PDZRN4: variants seen among roughly 807,000 people sequenced by gnomAD.
PDZRN4 encodes the protein PDZ domain-containing RING finger protein 4.
PDZRN4 carries 70 observed loss-of-function variants against 99.0 expected under a neutral mutation model. That is an observed-to-expected ratio of 0.71 (90% CI 0.58 to 0.86). The LOEUF is 0.86. Ranked by LOEUF, PDZRN4 falls within the 40% of genes least tolerant of loss-of-function variation. The pLI is 0.00. For synonymous variants in PDZRN4, 551 were observed against 501.6 expected, an observed-to-expected ratio of 1.10 and a Z score of -1.32; for missense variants, 1,474 against 1,331.2, an observed-to-expected ratio of 1.11 and a Z score of -1.67.
At chr12:41,385,939 G>A (rs960045901) in intron 3 of PDZRN4, among the ~76,000 whole-genome samples, 9 of 152,024 alleles carry the variant, frequency 5.9e-5, no homozygotes, top group Non-Finnish European at 1.3e-4. Flanking sequence ...CAACCAAATC[G>A]AGCTGCACAC....
intron 3 of PDZRN4, among the ~76,000 whole-genome samples, chr12:41,284,661 T>C (rs990009182): frequency 2.6e-5 from 4 of 152,252 alleles, no homozygotes; most frequent in African/African-American, 7.2e-5. Context: ...AAAACAGATA[T>C]ATAGACCAAT....
At chr12:41,437,255 T>C (rs571120426) in intron 3 of PDZRN4, among the ~76,000 whole-genome samples, 135 of 152,258 alleles carry the variant, frequency 8.9e-4, no homozygotes, top group Middle Eastern at 3.4e-3. Context: ...CCCCCCAAAT[T>C]TCCTTTGCTT....
intron 3 of PDZRN4, among the ~76,000 whole-genome samples, chr12:41,357,406 C>T (rs1448088918): frequency 6.6e-6 from 1 of 151,916 alleles, no homozygotes; most frequent in Non-Finnish European, 1.5e-5. Flanking sequence ...TAGTGCTTGA[C>T]GTATTCTAAG....
At chr12:41,476,275 C>T (rs1277957524) in intron 3 of PDZRN4, among the ~76,000 whole-genome samples, 2 of 152,174 alleles carry the variant, frequency 1.3e-5, no homozygotes, top group African/African-American at 4.8e-5. Context: ...GCAAAATTGA[C>T]TGACACTACT....
intron 3 of PDZRN4, among the ~76,000 whole-genome samples, chr12:41,308,144 TA>T (rs1951584218): frequency 6.6e-6 from 1 of 152,154 alleles, no homozygotes; most frequent in South Asian, 2.1e-4. Context: ...TTTTCTGTAT[TA>T]TTTTTAGCTA....
intron 3 of PDZRN4, among the ~76,000 whole-genome samples, chr12:41,417,759 G>A (rs1472406977): frequency 6.6e-6 from 1 of 152,198 alleles, no homozygotes; most frequent in Non-Finnish European, 1.5e-5. Flanking sequence ...GAAATAATAT[G>A]ACCAGAAGTG....
At chr12:41,225,851 A>G (rs1950990527) in intron 3 of PDZRN4, among the ~76,000 whole-genome samples, 1 of 151,882 alleles carries the variant, frequency 6.6e-6, no homozygotes, top group Non-Finnish European at 1.5e-5. Context: ...TCAGAATTTC[A>G]TTTTCATCAT....
intron 3 of PDZRN4, among the ~76,000 whole-genome samples, chr12:41,467,723 GA>G (rs1952942052): frequency 6.6e-6 from 1 of 152,186 alleles, no homozygotes; most frequent in African/African-American, 2.4e-5. Context: ...TGCTAATTTT[GA>G]TCTACTGCCT....
Position 41,451,461 on chromosome 12 carries a change from C to T in PDZRN4, c.844-54995C>T, listed in dbSNP as rs114273226. 3.1e-3 allele frequency among the ~76,000 whole-genome samples: 465 copies of T among 152,266 alleles called. 5 individuals are homozygous for T. Among genetic ancestry groups the T allele is most frequent in the African/African-American group, 0.011 (443 of 41,570 alleles). ...TGAAAGTAAGTTAAATATAAATTTA[C>T]AAAGAAGTTGCCTTACAAAGCTTTT... On this transcript the variant is annotated intron_variant, in intron 3 of 9. Coordinates refer to ENST00000402685, the MANE Select transcript of PDZRN4 (RefSeq NM_001164595.2).
chr12:41,244,486 C>T (rs1355598291), intron 3 of PDZRN4, among the ~76,000 whole-genome samples: 1 of 152,114 alleles, frequency 6.6e-6, no homozygotes, highest in Non-Finnish European at 1.5e-5. Context: ...CATTGTTCTA[C>T]ATGATCTGCT....
At chr12:41,547,266 C>G (rs915494885) in intron 5 of PDZRN4, among the ~76,000 whole-genome samples, 2 of 152,174 alleles carry the variant, frequency 1.3e-5, no homozygotes, top group Non-Finnish European at 2.9e-5. Context: ...GAAGCCCATT[C>G]TAGGAAAGGT....
chr12:41,319,216 G>A (rs2120969293), intron 3 of PDZRN4, among the ~76,000 whole-genome samples: 1 of 152,224 alleles, frequency 6.6e-6, no homozygotes, highest in Non-Finnish European at 1.5e-5. Context: ...ATTTCACAGA[G>A]GGTTTTTGGA....
intron 3 of PDZRN4, among the ~76,000 whole-genome samples, chr12:41,406,316 GAAAAATAAAACA>G (rs1952349268): frequency 6.9e-6 from 1 of 145,728 alleles, no homozygotes; most frequent in South Asian, 2.2e-4. Context: ...ACATTTAGTT[GAAAAATAAAACA>G]GTTTGGTTGA....
At chr12:41,354,240 T>C (rs941978318) in intron 3 of PDZRN4, among the ~76,000 whole-genome samples, 1 of 152,114 alleles carries the variant, frequency 6.6e-6, no homozygotes, top group Non-Finnish European at 1.5e-5. Flanking sequence ...AAATGGGTTA[T>C]TGCACTGATG....
chr12:41,351,426 A>T (rs1014971156), intron 3 of PDZRN4, among the ~76,000 whole-genome samples: 13 of 152,070 alleles, frequency 8.5e-5, no homozygotes, highest in African/African-American at 2.2e-4. Context: ...ATGAAGACAC[A>T]CTTGAGATTG....
At chr12:41,345,366 C>A (rs1426893956) in intron 3 of PDZRN4, among the ~76,000 whole-genome samples, 1 of 152,148 alleles carries the variant, frequency 6.6e-6, no homozygotes, top group Non-Finnish European at 1.5e-5. Context: ...TCCCTCTTCT[C>A]ACTTCTTTAC....
At chr12:41,402,235 ACATATATATATACACACACTGAG>A (rs1462575908) in intron 3 of PDZRN4, among the ~76,000 whole-genome samples, 3 of 3,204 alleles carry the variant, frequency 9.4e-4, no homozygotes, top group Admixed American at 3.5e-3. Flanking sequence ...CACTGAGTAT[ACATATATATATACACACACTGAG>A]TATATATATA....
intron 3 of PDZRN4, among the ~76,000 whole-genome samples, chr12:41,407,513 G>A (rs1952358608): frequency 6.6e-6 from 1 of 152,080 alleles, no homozygotes; most frequent in African/African-American, 2.4e-5. Context: ...GAAATCAATG[G>A]CGATCCTCTG....
chr12:41,245,978 A>G (rs1951131429), intron 3 of PDZRN4, among the ~76,000 whole-genome samples: 2 of 152,176 alleles, frequency 1.3e-5, no homozygotes, highest in Admixed American at 1.3e-4. Flanking sequence ...TGCAATGTGG[A>G]GGCATATGGA....
Sources: allele counts gnomAD v4.1 joint callset (sites outside exome capture counted in the v4.1 genomes callset), GRCh38; gene constraint gnomAD v4.1.1; transcripts MANE v1.5; gene names NCBI Gene and HGNC (gene_info 2026-07-23, HGNC 2026-07-21).